Variants in ZYG11B observed in about 807,000 individuals in gnomAD.
ZYG11B encodes zyg-11 family member B, cell cycle regulator, also known as protein zyg-11 homolog B.
Under a neutral mutation model 82.4 loss-of-function variants are expected in ZYG11B, and 36 were observed. That is an observed-to-expected ratio of 0.44 (90% CI 0.33 to 0.58). The LOEUF is 0.58. Among genes scored for constraint, ZYG11B ranks in the 20% least tolerant of loss-of-function variants. The pLI is 0.02. For missense variants in ZYG11B, 552 were observed against 895.6 expected (o/e 0.62, Z 4.90); for synonymous variants, 303 against 312.8 (o/e 0.97, Z 0.33).
chr1:52,782,273 G>A (rs1644863168), intron 4 of ZYG11B, among the ~76,000 whole-genome samples: 1 of 151,906 alleles, frequency 6.6e-6, no homozygotes, highest in Non-Finnish European at 1.5e-5. Context: ...TGGTTTTTTT[G>A]TAGTGATGGA....
chr1:52,771,005 C>T lies in ZYG11B; in HGVS notation c.197-15C>T, dbSNP rs371696734. 31 of 1,582,056 alleles carry T rather than the reference C, an allele frequency of 2.0e-5. No homozygotes were observed. The African/African-American group carries it at 3.9e-4, about 20-fold the overall frequency. The stretch of plus-strand genomic sequence containing the variant: ...ACTGTTTTTTGAATTTAAAACGCTG[C>T]TTGTTTTTCCACAGGTCTATTGAAT... On this transcript the variant is annotated splice_polypyrimidine_tract_variant and intron_variant, in intron 2 of 13. Transcript: ENST00000294353. The surrounding 1 kb of genome is among the most constrained non-coding windows in gnomAD (Gnocchi z 5.4).
Position 52,726,585 on chromosome 1 carries a change from C to T in ZYG11B, c.-69C>T, listed in dbSNP as rs1357890824. On this transcript the variant is annotated 5_prime_UTR_variant, in exon 1 of 14. Coordinates refer to ENST00000294353, the MANE Select transcript of ZYG11B (RefSeq NM_024646.3). ...CGCCGCTCGCCGGAGCCTCCTGGAG[C>T]CTCCGCGCCGGCTCAGCCTGGGGGC... 10 of 1,352,138 alleles carry T rather than the reference C, an allele frequency of 7.4e-6. No homozygotes were observed. The East Asian group carries it at 3.1e-4, about 42-fold the overall frequency. 83.8% of individuals were successfully genotyped at this position (1,352,138 alleles called of 1,614,324 possible). A position where few individuals can be genotyped will look rare whatever the true frequency, so the allele number is the denominator to read the frequency against.
At chr1:52,817,800 T>A (rs1369351788) in intron 13 of ZYG11B, among the ~76,000 whole-genome samples, 1 of 52,266 alleles carries the variant, frequency 1.9e-5, no homozygotes, top group Non-Finnish European at 4.5e-5. Context: ...TATATATATA[T>A]ATATATATAT....
chr1:52,774,705 G>A (rs72668680), intron 3 of ZYG11B, among the ~76,000 whole-genome samples: 2,179 of 146,404 alleles, frequency 0.015, 28 homozygotes, highest in Non-Finnish European at 0.022. Flanking sequence ...TGGGATTATA[G>A]GTGTAAGCCC....
chr1:52,737,698 G>A (rs1309662536), intron 1 of ZYG11B, among the ~76,000 whole-genome samples: 1 of 152,168 alleles, frequency 6.6e-6, no homozygotes, highest in Non-Finnish European at 1.5e-5. Flanking sequence ...CAGGAGACAG[G>A]TTGCAGTGAG....
Position 52,813,632 on chromosome 1 carries a change from G to A in ZYG11B, c.1792G>A (p.Val598Ile). Reference sequence around the variant, plus strand: ...TCTCCTACACAGTGTGGAAGTGGAAGTCAGTTACTTTGCAGCTGGAATTAT... The same window carrying A: ...TCTCCTACACAGTGTGGAAGTGGAAATCAGTTACTTTGCAGCTGGAATTAT... ...SSLLHSVEVE[V>I]SYFAAGIIAH... is the part of the protein sequence containing the mutation. The change falls in exon 11 of 14, where the codon GTC (valine) becomes ATC (isoleucine). Residue 598 changes from valine (V) to isoleucine (I), a missense_variant. Val to Ile is a conservative substitution (Grantham distance 29, BLOSUM62 3). Around this residue, in one of 3 missense-constraint regions of ZYG11B, gnomAD observed 66 missense variants for 176.4 expected, o/e 0.37. Transcript: ENST00000294353. The A allele has an allele frequency of 6.2e-7, 1 of 1,614,080 alleles. No homozygotes were observed. The highest frequency in any genetic ancestry group is 8.5e-7 in the Non-Finnish European group (1 of 1,180,008).
At chr1:52,738,046 C>T (rs991875955) in intron 1 of ZYG11B, among the ~76,000 whole-genome samples, 1 of 152,128 alleles carries the variant, frequency 6.6e-6, no homozygotes, top group Non-Finnish European at 1.5e-5. Context: ...AGATGAATTG[C>T]GAAGCAGTAT....
intron 10 of ZYG11B, 51 bp from the exon 11 acceptor site, chr1:52,813,485 C>A (rs912154987): frequency 1.4e-6 from 2 of 1,382,372 alleles, no homozygotes; most frequent in African/African-American, 2.9e-5. Flanking sequence ...TTATCTTAAC[C>A]ATTTACTATA....
chr1:52,801,501 C>T (rs1645075332), intron 8 of ZYG11B, among the ~76,000 whole-genome samples: 1 of 151,030 alleles, frequency 6.6e-6, no homozygotes, highest in Non-Finnish European at 1.5e-5. Context: ...TTTCCTTTGC[C>T]TTTTTAATTC....
intron 1 of ZYG11B, 26 bp downstream of exon 1, chr1:52,726,709 C>T (rs1022342915): frequency 1.4e-6 from 2 of 1,465,948 alleles, no homozygotes; most frequent in Admixed American, 2.4e-5. Context: ...CTGCCCTAGC[C>T]GCAGCCGCCC....
chr1:52,789,415 T>A (rs568917190), intron 5 of ZYG11B, among the ~76,000 whole-genome samples: 34 of 152,276 alleles, frequency 2.2e-4, no homozygotes, highest in Non-Finnish European at 3.2e-4. Flanking sequence ...AGCCCACACT[T>A]ATTTTCTTAT....
intron 4 of ZYG11B, among the ~76,000 whole-genome samples, chr1:52,783,838 A>ATGTACATACACGTGTGTGTGTG: frequency 9.8e-6 from 1 of 101,764 alleles, no homozygotes; most frequent in Non-Finnish European, 2.0e-5. Flanking sequence ...ATACGTGTGT[A>ATGTACATACACGTGTGTGTGTG]TATGTACATA....
chr1:52,765,501 G>T (rs1206036820), intron 2 of ZYG11B, among the ~76,000 whole-genome samples: 1 of 150,998 alleles, frequency 6.6e-6, no homozygotes, highest in Non-Finnish European at 1.5e-5. Context: ...TCAGTTTTTT[G>T]TTTTTTGTTT....
rs901282578 is a variant in ZYG11B, at chr1:52,823,994, G to C, written c.*2365G>C. 2 of 152,168 alleles carry C rather than the reference G, an allele frequency of 1.3e-5. No individual in the cohort carries two copies. The highest frequency in any genetic ancestry group is 1.9e-4 in the East Asian group (1 of 5,184). 9.4% of individuals were successfully genotyped at this position (152,168 alleles called of 1,614,324 possible). On this transcript the variant is annotated 3_prime_UTR_variant, in exon 14 of 14. Coordinates refer to ENST00000294353, the MANE Select transcript of ZYG11B (RefSeq NM_024646.3). ...AAAAATACAAAAACTAGCTGGGCAT[G>C]GTGGCTTTTTTGCACGCCTATAGTC...
chr1:52,813,954 T>C, intron 12 of ZYG11B, 42 bp downstream of exon 12: 2 of 1,587,942 alleles, frequency 1.3e-6, no homozygotes, highest in East Asian at 2.2e-5. Context: ...CAACCTAGTC[T>C]AGAGATCATT....
intron 10 of ZYG11B, among the ~76,000 whole-genome samples, chr1:52,811,720 T>G (rs902216412): frequency 1.3e-5 from 2 of 152,200 alleles, no homozygotes; most frequent in African/African-American, 4.8e-5. Flanking sequence ...TTTGTTTTTT[T>G]TTTAATTTCT....
At chr1:52,762,977 G>T (rs1314627133) in intron 2 of ZYG11B, among the ~76,000 whole-genome samples, 1 of 76,660 alleles carries the variant, frequency 1.3e-5, no homozygotes, top group Non-Finnish European at 2.1e-5. Context: ...GTGAGAGATT[G>T]GGGGGGGGGG....
rs1428914165 is a variant in ZYG11B at position 52,824,842 on chromosome 1, A to G, written c.*3213A>G. 1 of 152,086 alleles carries G rather than the reference A, an allele frequency of 6.6e-6. No individual in the cohort carries two copies. 9.4% of individuals were successfully genotyped at this position (152,086 alleles called of 1,614,324 possible). ...CCAGTATCTATAGTTAGAATCTACAAGGCCTCCTTTTTGCACCTGTAGACT... is the reference window on the plus strand; with the variant it reads ...CCAGTATCTATAGTTAGAATCTACAGGGCCTCCTTTTTGCACCTGTAGACT... On this transcript the variant is annotated 3_prime_UTR_variant, in exon 14 of 14. Coordinates refer to ENST00000294353, the MANE Select transcript of ZYG11B (RefSeq NM_024646.3).
intron 1 of ZYG11B, among the ~76,000 whole-genome samples, chr1:52,756,232 ATACT>A (rs1181055464): frequency 6.6e-6 from 1 of 152,152 alleles, no homozygotes; most frequent in Non-Finnish European, 1.5e-5. Flanking sequence ...CTCTATTTTA[ATACT>A]AAAGGGGCTG....
Sources: allele counts gnomAD v4.1 joint callset (sites outside exome capture counted in the v4.1 genomes callset), GRCh38; gene constraint gnomAD v4.1.1; regional missense constraint gnomAD v4.1.1; non-coding constraint Gnocchi (gnomAD v3.1); transcripts MANE v1.5; gene names NCBI Gene and HGNC (gene_info 2026-07-23, HGNC 2026-07-21).